The following DCUN1D3 variants were observed in gnomAD, a reference collection of about 807,000 sequenced individuals.
DCUN1D3 encodes DCN1-like protein 3.
DCUN1D3 carries 6 observed loss-of-function variants against 24.8 expected under a neutral mutation model. That is an observed-to-expected ratio of 0.24 (90% CI 0.13 to 0.48). The LOEUF is 0.48. Among genes scored for constraint, DCUN1D3 ranks in the 20% least tolerant of loss-of-function variants. The pLI, the probability that DCUN1D3 is intolerant of heterozygous loss-of-function variation, is 0.99. For synonymous variants in DCUN1D3, 120 were observed against 144.9 expected (o/e 0.83, Z 1.24); for missense variants, 258 against 379.4 (o/e 0.68, Z 2.66).
rs1423483951 is a variant in DCUN1D3, at chr16:20,856,872, T to C, written c.*3014A>G. On this transcript the variant is annotated 3_prime_UTR_variant, in exon 3 of 3. Transcript: ENST00000324344. ...TATTTCCCAACACACTTGTTTGTTG[T>C]TGCCCTCAGATGTTGCCGATTTCCA... 6.6e-6 allele frequency: 1 copy of C among 152,228 alleles called. No individual in the cohort carries two copies. Among genetic ancestry groups the C allele is most frequent in the African/African-American group, 2.4e-5 (1 of 41,450 alleles). The allele number at this position is 152,228 out of a possible 1,614,324, so 9.4% of individuals were successfully genotyped here.
rs2081713825 is a variant in DCUN1D3 at position 20,858,609 on chromosome 16, G to A, written c.*1277C>T. 1 of 149,034 alleles carries A rather than the reference G, an allele frequency of 6.7e-6. No homozygotes were observed. Among genetic ancestry groups the A allele is most frequent in the Admixed American group, 6.8e-5 (1 of 14,810 alleles). The allele number at this position is 149,034 out of a possible 1,614,324, so 9.2% of individuals were successfully genotyped here. A position where few individuals can be genotyped will look rare whatever the true frequency, so the allele number is the denominator to read the frequency against. On this transcript the variant is annotated 3_prime_UTR_variant, in exon 3 of 3. Coordinates refer to ENST00000324344, the MANE Select transcript of DCUN1D3 (RefSeq NM_173475.4). The stretch of plus-strand genomic sequence containing the variant: ...TTTGGGGGTAGGGAAAGGAGAGGAG[G>A]GTCATGTAAACCTAAACAGTCATCA...
intron 1 of DCUN1D3, among the ~76,000 whole-genome samples, chr16:20,887,131 T>C (rs754218238): frequency 1.8e-4 from 27 of 152,080 alleles, no homozygotes; most frequent in Non-Finnish European, 2.5e-4. Flanking sequence ...CTGGCCAACA[T>C]GGTGCAACCC....
intron 1 of DCUN1D3, among the ~76,000 whole-genome samples, chr16:20,893,311 T>A (rs2081900591): frequency 6.6e-6 from 1 of 152,088 alleles, no homozygotes; most frequent in Admixed American, 6.5e-5. Context: ...CAGGTGACAC[T>A]ACAGGTGCAC....
At chr16:20,898,715 G>A (rs1241806174) in intron 1 of DCUN1D3, among the ~76,000 whole-genome samples, 1 of 152,210 alleles carries the variant, frequency 6.6e-6, no homozygotes, top group Non-Finnish European at 1.5e-5. Context: ...CAGAAGGACA[G>A]GACTTACGGG....
rs772860609 is a variant in DCUN1D3, at chr16:20,862,437, T to C, written c.102A>G (p.Ala34=). ...PSNKSHSRRG[A]GHREEQVPPC... The stretch of plus-strand genomic sequence containing the variant: ...GTGGTACCTGCTCCTCACGGTGGCC[T>C]GCACCCCTCCTGCTATGTGACTTGT... The change falls in exon 2 of 3, where the codon GCA becomes GCG. Residue 34 remains alanine, a synonymous_variant. Coordinates refer to ENST00000324344, the MANE Select transcript of DCUN1D3 (RefSeq NM_173475.4). 8.1e-6 allele frequency: 13 copies of C among 1,613,814 alleles called. No homozygotes were observed. The highest frequency in any genetic ancestry group is 1.1e-5 in the Non-Finnish European group (13 of 1,180,008).
Position 20,860,040 on chromosome 16 carries a change from C to T in DCUN1D3, c.761G>A (p.Gly254Asp). ...NMFLNFTQVIGPDLSNYSEDE... is the reference protein window; with the variant it reads ...NMFLNFTQVIDPDLSNYSEDE... ...TTCACTGTAGTTGCTGAGGTCAGGG[C>T]CAATCACCTGAGTGAAGTTAAGGAA... is the stretch of plus-strand genomic sequence containing the variant. Residue 254 changes from glycine (G) to aspartate (D), a missense_variant, in exon 3 of 3, where the codon GGC becomes GAC. Coordinates refer to ENST00000324344, the MANE Select transcript of DCUN1D3 (RefSeq NM_173475.4). This position sits in a 1 kb window ranked among gnomAD's most constrained non-coding sequence, Gnocchi z 4.3. 6.2e-7 allele frequency: 1 copy of T among 1,614,220 alleles called. No homozygotes were observed. Among genetic ancestry groups the T allele is most frequent in the Middle Eastern group, 1.7e-4 (1 of 6,060 alleles).
At chr16:20,887,047 C>T (rs924420773) in intron 1 of DCUN1D3, among the ~76,000 whole-genome samples, 3 of 152,222 alleles carry the variant, frequency 2.0e-5, no homozygotes, top group African/African-American at 4.8e-5. Context: ...GGCGCTGTGG[C>T]TCACACCTGT....
At chr16:20,881,802 G>A (rs934142414) in intron 1 of DCUN1D3, among the ~76,000 whole-genome samples, 1 of 152,016 alleles carries the variant, frequency 6.6e-6, no homozygotes, top group African/African-American at 2.4e-5. Context: ...GGGGAAATGT[G>A]TTTACTTTTT....
chr16:20,876,177 G>A lies in DCUN1D3; in HGVS notation c.-105-13534C>T, dbSNP rs181275664. ...AGACAGTGTTTCACCATGTTGGCCA[G>A]GCTGGTCTCAAACTCCTGACCTCAG... On this transcript the variant is annotated intron_variant, in intron 1 of 2. Transcript: ENST00000324344. Among the ~76,000 whole-genome samples the A allele has an allele frequency of 1.8e-3, 278 of 152,180 alleles. No homozygotes were observed. In the Middle Eastern group the frequency reaches 0.02, roughly 11 times the overall value.
At chr16:20,863,478 C>T (rs1302743780) in intron 1 of DCUN1D3, among the ~76,000 whole-genome samples, 1 of 152,204 alleles carries the variant, frequency 6.6e-6, no homozygotes, top group Non-Finnish European at 1.5e-5. Context: ...CAGTGGCTCA[C>T]ATCTGTAATC....
rs777193941 is a variant in DCUN1D3, at chr16:20,857,305, A to T, written c.*2581T>A. The T allele has an allele frequency of 2.6e-5, 4 of 152,158 alleles. No homozygotes were observed. The highest frequency in any genetic ancestry group is 5.9e-5 in the Non-Finnish European group (4 of 68,022). 9.4% of individuals were successfully genotyped at this position (152,158 alleles called of 1,614,324 possible). A position where few individuals can be genotyped will look rare whatever the true frequency, so the allele number is the denominator to read the frequency against. On this transcript the variant is annotated 3_prime_UTR_variant, in exon 3 of 3. Transcript: ENST00000324344. ...GATCAATATAACCAAAAAATAACTA[A>T]ATGGCTTTTTTGGTGGGGGATGAGG...
chr16:20,890,186 T>C (rs2081885979), intron 1 of DCUN1D3, among the ~76,000 whole-genome samples: 1 of 152,166 alleles, frequency 6.6e-6, no homozygotes, highest in African/African-American at 2.4e-5. Context: ...GTTCTATGAC[T>C]CATGATAGCA....
At chr16:20,898,219 T>A (rs376313048) in intron 1 of DCUN1D3, among the ~76,000 whole-genome samples, 1 of 152,230 alleles carries the variant, frequency 6.6e-6, no homozygotes, top group Admixed American at 6.5e-5. Context: ...TCTTTATACT[T>A]AAAGCTCAAC....
chr16:20,863,433 T>C (rs2081743879), intron 1 of DCUN1D3, among the ~76,000 whole-genome samples: 2 of 152,190 alleles, frequency 1.3e-5, no homozygotes, highest in South Asian at 2.1e-4. Context: ...CAAAGAAGCA[T>C]GTCTCCACTT....
intron 1 of DCUN1D3, among the ~76,000 whole-genome samples, chr16:20,895,412 G>A (rs538420863): frequency 6.6e-6 from 1 of 152,242 alleles, no homozygotes; most frequent in East Asian, 1.9e-4. Context: ...ACAGGAATGA[G>A]CCACCACACC....
At chr16:20,868,183 T>C (rs540329777) in intron 1 of DCUN1D3, among the ~76,000 whole-genome samples, 3 of 152,366 alleles carry the variant, frequency 2.0e-5, no homozygotes, top group South Asian at 2.1e-4. Flanking sequence ...ACCTCTGAAG[T>C]GGACAGCCTC....
At chr16:20,862,916 G>A (rs2081741210) in intron 1 of DCUN1D3, among the ~76,000 whole-genome samples, 1 of 152,152 alleles carries the variant, frequency 6.6e-6, no homozygotes. Flanking sequence ...TATGTAGAAT[G>A]CATCAAAGAC....
At chr16:20,893,653 A>C (rs904581171) in intron 1 of DCUN1D3, among the ~76,000 whole-genome samples, 8 of 151,934 alleles carry the variant, frequency 5.3e-5, no homozygotes, top group Admixed American at 4.6e-4. Flanking sequence ...AAACAGCAAA[A>C]CCCCCTCATC....
Position 20,862,150 on chromosome 16 carries a change from A to G in DCUN1D3, c.389T>C (p.Leu130Ser). The G allele has an allele frequency of 6.2e-7, 1 of 1,614,240 alleles. No homozygotes were observed. Among genetic ancestry groups the G allele is most frequent in the Non-Finnish European group, 8.5e-7 (1 of 1,180,048 alleles). ...GGTTGCAGCCTGGAACTTCCAAGCCAAGAGCAGCACTCGAAATTCTGTGGG... is the reference window on the plus strand; with the variant it reads ...GGTTGCAGCCTGGAACTTCCAAGCCGAGAGCAGCACTCGAAATTCTGTGGG... The part of the protein sequence containing the change: ...VDPTEFRVLL[L>S]AWKFQAATMC... Residue 130 changes from leucine to serine, a missense_variant, in exon 2 of 3, where the codon TTG becomes TCG. By Grantham distance (145) the Leu-to-Ser change is moderately radical (BLOSUM62 -2). Coordinates refer to ENST00000324344, the MANE Select transcript of DCUN1D3 (RefSeq NM_173475.4).
Sources: allele counts gnomAD v4.1 joint callset (sites outside exome capture counted in the v4.1 genomes callset), GRCh38; gene constraint gnomAD v4.1.1; non-coding constraint Gnocchi (gnomAD v3.1); transcripts MANE v1.5; gene names NCBI Gene and HGNC (gene_info 2026-07-23, HGNC 2026-07-21).